The following SPRED1 variants were observed in gnomAD, a reference collection of about 807,000 sequenced individuals.
SPRED1 encodes sprouty related EVH1 domain containing 1.
Under a neutral mutation model 52.3 loss-of-function variants are expected in SPRED1, and 18 were observed. That is an observed-to-expected ratio of 0.34 (90% CI 0.24 to 0.51). The LOEUF is 0.51. SPRED1 is among the 20% of genes least tolerant of loss of function. The pLI is 0.97. For synonymous variants in SPRED1, 155 were observed against 179.7 expected (o/e 0.86, Z 1.10); for missense variants, 485 against 551.0 (o/e 0.88, Z 1.20).
chr15:38,335,478 A>G (rs1205677925), intron 4 of SPRED1, among the ~76,000 whole-genome samples: 1 of 152,126 alleles, frequency 6.6e-6, no homozygotes, highest in Non-Finnish European at 1.5e-5. Context: ...TCAGAAGATT[A>G]CCTTGTTTAG....
chr15:38,310,419 G>A (rs1895343958), intron 2 of SPRED1, among the ~76,000 whole-genome samples: 3 of 152,094 alleles, frequency 2.0e-5, no homozygotes, highest in Non-Finnish European at 4.4e-5. Flanking sequence ...GGGATTACAG[G>A]CATGAGCCAC....
chr15:38,347,643 A>T (rs1896170223), intron 5 of SPRED1, among the ~76,000 whole-genome samples: 1 of 151,888 alleles, frequency 6.6e-6, no homozygotes, highest in South Asian at 2.1e-4. Context: ...ACCTCTGTTT[A>T]GCTCTTCTTC....
At chr15:38,317,503 A>T (rs1895511127) in intron 2 of SPRED1, among the ~76,000 whole-genome samples, 1 of 151,944 alleles carries the variant, frequency 6.6e-6, no homozygotes, top group South Asian at 2.1e-4. Context: ...TTTGTTTGCT[A>T]ATTATGCCAA....
At chr15:38,281,200 AGAG>A (rs1894680180) in intron 1 of SPRED1, among the ~76,000 whole-genome samples, 1 of 152,234 alleles carries the variant, frequency 6.6e-6, no homozygotes, top group African/African-American at 2.4e-5. Flanking sequence ...TCTATACAAA[AGAG>A]AACTTCCTAC....
intron 2 of SPRED1, among the ~76,000 whole-genome samples, chr15:38,310,745 T>A (rs1260891883): frequency 6.6e-6 from 1 of 152,234 alleles, no homozygotes; most frequent in South Asian, 2.1e-4. Context: ...GTAAATACTA[T>A]TGTGTTTTTA....
At chr15:38,319,658 G>A (rs1895562156) in intron 2 of SPRED1, among the ~76,000 whole-genome samples, 1 of 152,220 alleles carries the variant, frequency 6.6e-6, no homozygotes, top group Non-Finnish European at 1.5e-5. Flanking sequence ...GATTACAGGC[G>A]TGAGCCACTG....
intron 2 of SPRED1, among the ~76,000 whole-genome samples, chr15:38,305,487 T>C (rs1400367725): frequency 1.3e-5 from 2 of 151,968 alleles, no homozygotes; most frequent in African/African-American, 4.8e-5. Context: ...TCTCAGTTCT[T>C]GAGGTAGTAT....
intron 5 of SPRED1, among the ~76,000 whole-genome samples, chr15:38,343,015 C>G (rs913479477): frequency 1.3e-5 from 2 of 152,008 alleles, no homozygotes. Context: ...CATATTGAGA[C>G]AGTGAGTTAA....
intron 1 of SPRED1, among the ~76,000 whole-genome samples, chr15:38,284,612 C>A (rs1894765514): frequency 6.6e-6 from 1 of 152,080 alleles, no homozygotes; most frequent in Non-Finnish European, 1.5e-5. Context: ...TACCACACAA[C>A]TATAAACATA....
At chr15:38,268,158 G>T (rs1246351834) in intron 1 of SPRED1, 1 of 152,212 alleles carries the variant, frequency 6.6e-6, no homozygotes, top group Non-Finnish European at 1.5e-5. Context: ...AATAACATTT[G>T]CTGTCTCTAC....
At chr15:38,265,322 A>G (rs1385693467) in intron 1 of SPRED1, among the ~76,000 whole-genome samples, 1 of 152,200 alleles carries the variant, frequency 6.6e-6, no homozygotes, top group African/African-American at 2.4e-5. Context: ...AAAGAATATT[A>G]AACAGAACTT....
chr15:38,274,742 G>A (rs1365392995), intron 1 of SPRED1, among the ~76,000 whole-genome samples: 2 of 152,076 alleles, frequency 1.3e-5, no homozygotes, highest in Non-Finnish European at 2.9e-5. Context: ...CTCCTTTAAG[G>A]TGAAACAGCT....
intron 1 of SPRED1, among the ~76,000 whole-genome samples, chr15:38,287,259 A>C (rs1387693675): frequency 6.6e-6 from 1 of 151,962 alleles, no homozygotes; most frequent in African/African-American, 2.4e-5. Flanking sequence ...TTTCTCATTT[A>C]TTTGTCTAGT....
rs1463703238 is a variant in SPRED1 at position 38,356,633 on chromosome 15, TATTCAG to T, written c.*4973_*4978del. The T allele has an allele frequency of 6.6e-6, 1 of 152,138 alleles. No individual in the cohort carries two copies. Among genetic ancestry groups the T allele is most frequent in the Non-Finnish European group, 1.5e-5 (1 of 67,962 alleles). 9.4% of individuals were successfully genotyped at this position (152,138 alleles called of 1,614,324 possible). A position where few individuals can be genotyped will look rare whatever the true frequency, so the allele number is the denominator to read the frequency against. On this transcript the variant is annotated 3_prime_UTR_variant, in exon 7 of 7. Coordinates refer to ENST00000299084, the MANE Select transcript of SPRED1 (RefSeq NM_152594.3). ...TAACATATTTATTCATCCTTAATTG[TATTCAG>T]ATTTTTTTTTAAGTCTCTAAGCTAA...
intron 1 of SPRED1, among the ~76,000 whole-genome samples, chr15:38,281,571 T>TTC (rs1190598631): frequency 6.9e-6 from 1 of 145,596 alleles, no homozygotes; most frequent in Non-Finnish European, 1.5e-5. Flanking sequence ...TTTTTTTTTT[T>TTC]TTTTTTTTTT....
chr15:38,255,898 A>G (rs764415421), intron 1 of SPRED1, among the ~76,000 whole-genome samples: 1 of 152,224 alleles, frequency 6.6e-6, no homozygotes, highest in East Asian at 1.9e-4. Flanking sequence ...CTTCAAGAAA[A>G]GTGAAAATCA....
intron 2 of SPRED1, among the ~76,000 whole-genome samples, chr15:38,301,514 A>G (rs1895148794): frequency 6.6e-6 from 1 of 152,158 alleles, no homozygotes; most frequent in African/African-American, 2.4e-5. Context: ...GAAATTTGCC[A>G]TATTTCTTAG....
chr15:38,274,060 G>A (rs1894495039), intron 1 of SPRED1, among the ~76,000 whole-genome samples: 1 of 152,156 alleles, frequency 6.6e-6, no homozygotes, highest in African/African-American at 2.4e-5. Flanking sequence ...TGGTAATTAT[G>A]AGCGAGTCCT....
intron 2 of SPRED1, among the ~76,000 whole-genome samples, chr15:38,321,761 T>C (rs34831406): frequency 1.3e-5 from 2 of 152,002 alleles, no homozygotes; most frequent in Non-Finnish European, 2.9e-5. Context: ...ACCCAGCTAA[T>C]TTTTTATATT....
Sources: allele counts gnomAD v4.1 joint callset (sites outside exome capture counted in the v4.1 genomes callset), GRCh38; gene constraint gnomAD v4.1.1; transcripts MANE v1.5; gene names NCBI Gene and HGNC (gene_info 2026-07-23, HGNC 2026-07-21).